ATP10D: variants seen among roughly 807,000 people sequenced by gnomAD.
ATP10D encodes ATPase phospholipid transporting 10D (putative).
Under a neutral mutation model 144.8 loss-of-function variants are expected in ATP10D, and 89 were observed. The observed-to-expected ratio is 0.61, with a 90% confidence interval of 0.52 to 0.73. The LOEUF is 0.73. Ranked by LOEUF, ATP10D falls within the 30% of genes least tolerant of loss-of-function variation. ATP10D has a pLI of 0.00. For missense variants in ATP10D, 1,603 were observed against 1,714.8 expected, an observed-to-expected ratio of 0.93 and a Z score of 1.15; for synonymous variants, 571 against 615.1, an observed-to-expected ratio of 0.93 and a Z score of 1.06.
rs762822299 is a variant in ATP10D at position 47,547,080 on chromosome 4, T to C, written c.1635+218T>C. The C allele has an allele frequency of 8.9e-4, 489 of 548,872 alleles. 4 individuals are homozygous for C. The highest frequency in any genetic ancestry group is 1.5e-3 in the Non-Finnish European group (455 of 311,284). The allele number at this position is 548,872 out of a possible 1,614,324, so 34.0% of individuals were successfully genotyped here. On this transcript the variant is annotated intron_variant, in intron 10 of 22. Coordinates refer to ENST00000273859, the MANE Select transcript of ATP10D (RefSeq NM_020453.4). ...AATAACTCAATGTTGAGAGGTAGTA[T>C]ACCATTTCTGAAAAAAAAAAAGGAG... is the stretch of plus-strand genomic sequence containing the variant.
chr4:47,572,935 C>G lies in ATP10D; in HGVS notation c.3304C>G (p.His1102Asp), dbSNP rs148784624. The stretch of plus-strand genomic sequence containing the variant: ...ACATCTCAGCAAGCTCCTTCTTGTC[C>G]ATGGACACTGGTGTTATACACGGCT... ...FKHLSKLLLV[H>D]GHWCYTRLSN... The change falls in exon 18 of 23, where the codon CAT (histidine) becomes GAT (aspartate). Residue 1102 changes from histidine (H) to aspartate (D), a missense_variant. His to Asp is a moderately conservative substitution (Grantham distance 81). Coordinates refer to ENST00000273859, the MANE Select transcript of ATP10D (RefSeq NM_020453.4). 1 of 1,614,060 alleles carries G rather than the reference C, an allele frequency of 6.2e-7. No individual in the cohort carries two copies. Among genetic ancestry groups the G allele is most frequent in the Non-Finnish European group, 8.5e-7 (1 of 1,179,960 alleles).
chr4:47,573,304 G>T (rs1043181192), intron 18 of ATP10D, among the ~76,000 whole-genome samples: 1 of 152,184 alleles, frequency 6.6e-6, no homozygotes, highest in Non-Finnish European at 1.5e-5. Flanking sequence ...GTGACAAGAA[G>T]AATTATGAAA....
At chr4:47,543,449 G>A (rs1718260690) in intron 9 of ATP10D, among the ~76,000 whole-genome samples, 2 of 152,164 alleles carry the variant, frequency 1.3e-5, no homozygotes, top group African/African-American at 4.8e-5. Flanking sequence ...GCTGTCCTGA[G>A]CATTGTAAGA....
intron 1 of ATP10D, among the ~76,000 whole-genome samples, chr4:47,497,340 A>G (rs1296330849): frequency 6.6e-6 from 1 of 152,178 alleles, no homozygotes; most frequent in African/African-American, 2.4e-5. Context: ...CTGTAATCCC[A>G]GCTACTCAGG....
rs1248845510 is a variant in ATP10D, at chr4:47,592,208, T to C, written c.*827T>C. Reference sequence around the variant, plus strand: ...AGACATCAGCTCAGCCTGTGGCCCATTGGGTGATTTCCTGTATTTTAAAAC... The same window carrying C: ...AGACATCAGCTCAGCCTGTGGCCCACTGGGTGATTTCCTGTATTTTAAAAC... On this transcript the variant is annotated 3_prime_UTR_variant, in exon 23 of 23. Transcript: ENST00000273859. 5.2e-5 allele frequency: 8 copies of C among 152,536 alleles called. No homozygotes were observed. The highest frequency in any genetic ancestry group is 1.7e-4 in the African/African-American group (7 of 41,430). The allele number at this position is 152,536 out of a possible 1,614,324, so 9.4% of individuals were successfully genotyped here.
intron 4 of ATP10D, among the ~76,000 whole-genome samples, chr4:47,524,784 T>A (rs6849863): frequency 0.13 from 19,657 of 152,210 alleles, 1,520 homozygotes; most frequent in South Asian, 0.24. Context: ...ATATTTAAAG[T>A]GCATAATAGA....
Position 47,514,395 on chromosome 4 carries a change from T to C in ATP10D, c.291-1081T>C, listed in dbSNP as rs1716519761. On this transcript the variant is annotated intron_variant, in intron 2 of 22. Transcript: ENST00000273859. ...TTAGATGTGGTCCACCTGGAAAGAA[T>C]TGAAGCCACAGAGTAGCAGAAAGGG... Among the ~76,000 whole-genome samples, 3 of 152,270 alleles carry C rather than the reference T, an allele frequency of 2.0e-5. No individual in the cohort carries two copies. In the South Asian group the frequency reaches 6.2e-4, roughly 32 times the overall value.
chr4:47,565,617 A>ATATAAAT (rs1466131305), intron 15 of ATP10D, among the ~76,000 whole-genome samples: 2 of 152,188 alleles, frequency 1.3e-5, no homozygotes, highest in Non-Finnish European at 2.9e-5. Flanking sequence ...AAATGAAAAA[A>ATATAAAT]TATAAATTGT....
In ATP10D at chr4:47,515,616, G is replaced by A. The variant is rs770945581; in HGVS notation, c.431G>A (p.Arg144Gln). The A allele has an allele frequency of 4.5e-5, 72 of 1,612,168 alleles. No individual in the cohort carries two copies. The highest frequency in any genetic ancestry group is 3.3e-4 in the Middle Eastern group (2 of 6,078). ...ATTAAAGATGGCCTGGAAGATTATC[G>A]GAAATACAAAATTGACAAACAGATC... ...IAIKDGLEDY[R>Q]KYKIDKQINN... is the part of the protein sequence containing the mutation. The change falls in exon 3 of 23, where the codon CGG (arginine) becomes CAG (glutamine). Residue 144 changes from arginine (R) to glutamine (Q), a missense_variant. Transcript: ENST00000273859.
intron 2 of ATP10D, among the ~76,000 whole-genome samples, chr4:47,514,158 A>G (rs1716505648): frequency 6.6e-6 from 1 of 152,268 alleles, no homozygotes; most frequent in Admixed American, 6.5e-5. Context: ...CATATTCTTT[A>G]GTCATTCCAC....
At chr4:47,572,079 C>T in intron 16 of ATP10D, 75 bp from the exon 17 acceptor site, 1 of 1,285,348 alleles carries the variant, frequency 7.8e-7, no homozygotes, top group Non-Finnish European at 1.1e-6. Flanking sequence ...CTTGAGCTGC[C>T]CCTATTGATT....
intron 1 of ATP10D, chr4:47,491,144 G>T: frequency 1.4e-6 from 1 of 734,950 alleles, no homozygotes; most frequent in South Asian, 1.4e-5. Context: ...TCCTTCATGC[G>T]TTTCAGGAAG....
At chr4:47,526,859 A>G (rs1443491326) in intron 5 of ATP10D, among the ~76,000 whole-genome samples, 1 of 152,186 alleles carries the variant, frequency 6.6e-6, no homozygotes, top group Non-Finnish European at 1.5e-5. Flanking sequence ...ACAAAATTGA[A>G]GAGCTACTTA....
At chr4:47,533,623 GAC>G (rs1289844896) in intron 5 of ATP10D, among the ~76,000 whole-genome samples, 2 of 152,124 alleles carry the variant, frequency 1.3e-5, no homozygotes, top group Non-Finnish European at 2.9e-5. Flanking sequence ...AAATTAAAAG[GAC>G]AGTTTCAAAA....
chr4:47,513,152 T>G (rs1716452616), intron 2 of ATP10D, among the ~76,000 whole-genome samples: 2 of 152,218 alleles, frequency 1.3e-5, no homozygotes, highest in Admixed American at 6.5e-5. Flanking sequence ...CTTCTTACTC[T>G]TGCTTTAGTG....
At chr4:47,573,623 CA>C (rs1183459089) in intron 18 of ATP10D, among the ~76,000 whole-genome samples, 1 of 152,170 alleles carries the variant, frequency 6.6e-6, no homozygotes, top group Admixed American at 6.5e-5. Context: ...CCTGCTATTT[CA>C]ATTTCAGTTT....
chr4:47,572,018 C>A, intron 16 of ATP10D, 136 bp from the exon 17 acceptor site: 1 of 781,848 alleles, frequency 1.3e-6, no homozygotes, highest in South Asian at 1.7e-5. Flanking sequence ...GTTTCACTTA[C>A]TTCCAGGAAA....
intron 1 of ATP10D, among the ~76,000 whole-genome samples, chr4:47,503,150 C>T (rs182672579): frequency 2.1e-4 from 32 of 152,068 alleles, no homozygotes; most frequent in African/African-American, 7.0e-4. Context: ...TGCAGTGAGC[C>T]GAGACCGGAC....
chr4:47,568,916 T>C lies in ATP10D; in HGVS notation c.2933T>C (p.Leu978Ser). Residue 978 changes from leucine (L) to serine (S), a missense_variant, in exon 16 of 23, where the codon TTA (leucine) becomes TCA (serine). Leu to Ser is a moderately radical substitution (Grantham distance 145). Coordinates refer to ENST00000273859, the MANE Select transcript of ATP10D (RefSeq NM_020453.4). ...CAAGCCCTGCCAGAGCAAGTGTCATTAAGTGAAGATTTACTTCAGCCTCCT... is the reference window on the plus strand; with the variant it reads ...CAAGCCCTGCCAGAGCAAGTGTCATCAAGTGAAGATTTACTTCAGCCTCCT... ...KTQALPEQVS[L>S]SEDLLQPPVP... 1 of 1,614,158 alleles carries C rather than the reference T, an allele frequency of 6.2e-7. No homozygotes were observed.
Sources: allele counts gnomAD v4.1 joint callset (sites outside exome capture counted in the v4.1 genomes callset), GRCh38; gene constraint gnomAD v4.1.1; transcripts MANE v1.5; gene names NCBI Gene and HGNC (gene_info 2026-07-23, HGNC 2026-07-21).